Variants in TAX1BP1 observed in about 807,000 individuals in gnomAD.
TAX1BP1 encodes the protein tax1-binding protein 1.
Under a neutral mutation model 97.7 loss-of-function variants are expected in TAX1BP1, and 62 were observed. The observed-to-expected ratio is 0.63, with a 90% CI of 0.52 to 0.78. The LOEUF is 0.78. Ranked by LOEUF, TAX1BP1 falls within the 30% of genes least tolerant of loss-of-function variation. TAX1BP1 has a pLI of 0.00. For missense variants in TAX1BP1, 867 were observed against 916.1 expected, an observed-to-expected ratio of 0.95 and a Z score of 0.69; for synonymous variants, 340 against 304.2, an observed-to-expected ratio of 1.12 and a Z score of -1.23.
chr7:27,768,512 G>A (rs1412897070), intron 4 of TAX1BP1, among the ~76,000 whole-genome samples: 1 of 151,838 alleles, frequency 6.6e-6, no homozygotes, highest in Non-Finnish European at 1.5e-5. Context: ...TAAAGTCTAT[G>A]TTGTGCTATG....
At chr7:27,756,958 C>T (rs578121884) in intron 2 of TAX1BP1, among the ~76,000 whole-genome samples, 14 of 152,242 alleles carry the variant, frequency 9.2e-5, no homozygotes, top group African/African-American at 3.1e-4. Flanking sequence ...TAATATACTC[C>T]AGTACTTTCT....
At chr7:27,814,871 G>A (rs767387523) in intron 13 of TAX1BP1, among the ~76,000 whole-genome samples, 45 of 152,070 alleles carry the variant, frequency 3.0e-4, no homozygotes, top group Non-Finnish European at 5.7e-4. Context: ...TGAGTAGCTG[G>A]GACTACAGGT....
Position 27,769,677 on chromosome 7 carries a change from T to A in TAX1BP1, c.455T>A (p.Leu152Ter). 6.2e-7 allele frequency: 1 copy of A among 1,601,208 alleles called. No individual in the cohort carries two copies. The highest frequency in any genetic ancestry group is 8.5e-7 in the Non-Finnish European group (1 of 1,175,654). ...VVTTKAGLLE[L>*]KIEKTMKEKE... ...TAATCTGAGTTTTTTGCTTTATAGTTGAAAATTGAGAAAACCATGAAAGAA... is the reference window on the plus strand; with the variant it reads ...TAATCTGAGTTTTTTGCTTTATAGTAGAAAATTGAGAAAACCATGAAAGAA... The change falls in exon 5 of 17, where the codon TTG becomes TAG. Residue 152 changes from leucine to a stop codon, truncating the protein, a stop_gained and splice_region_variant. Coordinates refer to ENST00000396319, the MANE Select transcript of TAX1BP1 (RefSeq NM_006024.7). LOFTEE classifies it high-confidence loss of function.
chr7:27,828,827 T>C lies in TAX1BP1; in HGVS notation c.2368T>C (p.Ter790GlnextTer7). The change falls in exon 17 of 17, where the codon TAG (stop) becomes CAG (glutamine). Residue 790 changes from the stop codon to glutamine, a stop_lost. Coordinates refer to ENST00000396319, the MANE Select transcript of TAX1BP1 (RefSeq NM_006024.7). ...TGATCAGAATGTTCTAAATTTTGACTAGTTACTTTTTATTATGAGTTAATA... is the reference window on the plus strand; with the variant it reads ...TGATCAGAATGTTCTAAATTTTGACCAGTTACTTTTTATTATGAGTTAATA... ...HFDQNVLNFD* is the reference protein window; with the variant it reads ...HFDQNVLNFDQ 6.2e-7 allele frequency: 1 copy of C among 1,604,152 alleles called. No individual in the cohort carries two copies. The highest frequency in any genetic ancestry group is 1.1e-5 in the South Asian group (1 of 89,848).
intron 2 of TAX1BP1, among the ~76,000 whole-genome samples, chr7:27,751,676 A>G (rs1736538746): frequency 6.6e-6 from 1 of 152,146 alleles, no homozygotes; most frequent in Non-Finnish European, 1.5e-5. Context: ...AGTGATTTTG[A>G]TAGACACCAT....
At position 27,761,553 on chromosome 7, in the gene TAX1BP1, G is replaced by A. The variant is rs141998268; in HGVS notation, c.265+3420G>A. 3.2e-3 allele frequency among the ~76,000 whole-genome samples: 494 copies of A among 152,254 alleles called. 3 individuals carry two copies. The highest frequency in any genetic ancestry group is 0.011 in the African/African-American group (458 of 41,542). On this transcript the variant is annotated intron_variant, in intron 3 of 16. Transcript: ENST00000396319. ...GTTTTACTGTCCCCACAGTTTTGCC[G>A]TAAAATGTCATAGAGTTGGAATCAT...
chr7:27,818,187 T>C (rs1484966979), intron 15 of TAX1BP1, among the ~76,000 whole-genome samples: 1 of 152,210 alleles, frequency 6.6e-6, no homozygotes, highest in Non-Finnish European at 1.5e-5. Context: ...AGCAGAATGT[T>C]CTTTCTGATC....
chr7:27,808,460 G>T (rs1050501180), intron 13 of TAX1BP1, among the ~76,000 whole-genome samples: 11 of 152,152 alleles, frequency 7.2e-5, no homozygotes, highest in Non-Finnish European at 1.2e-4. Context: ...CATCTAACTA[G>T]AGTTCAACAT....
chr7:27,793,299 CT>C (rs1391746658), intron 10 of TAX1BP1, 87 bp downstream of exon 10: 2 of 1,149,714 alleles, frequency 1.7e-6, no homozygotes, highest in Non-Finnish European at 2.4e-6. Context: ...AAATATCAAC[CT>C]TTTAAATATT....
chr7:27,761,595 T>C (rs1679219716), intron 3 of TAX1BP1, among the ~76,000 whole-genome samples: 1 of 152,230 alleles, frequency 6.6e-6, no homozygotes, highest in African/African-American at 2.4e-5. Flanking sequence ...ATGTAGTCTT[T>C]TCAGATTGGC....
At chr7:27,806,919 T>C (rs1790362022) in intron 13 of TAX1BP1, among the ~76,000 whole-genome samples, 2 of 152,168 alleles carry the variant, frequency 1.3e-5, no homozygotes, top group African/African-American at 2.4e-5. Context: ...AAATCTGTTT[T>C]GTGTCTTTCA....
At chr7:27,741,236 AGTT>A (rs1787585190) in intron 1 of TAX1BP1, among the ~76,000 whole-genome samples, 1 of 152,224 alleles carries the variant, frequency 6.6e-6, no homozygotes, top group Non-Finnish European at 1.5e-5. Context: ...AACAATTAAT[AGTT>A]ACAAGTTTGG....
chr7:27,791,386 A>T (rs1188403570), intron 8 of TAX1BP1, among the ~76,000 whole-genome samples: 3 of 152,156 alleles, frequency 2.0e-5, no homozygotes, highest in Non-Finnish European at 4.4e-5. Context: ...TAATTTCACC[A>T]TGGCAATTTT....
At chr7:27,758,369 T>G (rs1788304657) in intron 3 of TAX1BP1, 2 of 313,746 alleles carry the variant, frequency 6.4e-6, no homozygotes, top group Admixed American at 4.7e-5. Context: ...GAAGAGTGGG[T>G]TTCTTTTTAG....
At chr7:27,758,305 A>G (rs577517485) in intron 3 of TAX1BP1, 172 bp downstream of exon 3, 8 of 411,634 alleles carry the variant, frequency 1.9e-5, no homozygotes, top group South Asian at 7.8e-5. Flanking sequence ...TGTAGGCCAC[A>G]TGATATTTTA....
chr7:27,792,468 A>G lies in TAX1BP1; in HGVS notation c.1263+238A>G, dbSNP rs180835333. Among the ~76,000 whole-genome samples the G allele has an allele frequency of 5.9e-5, 9 of 152,336 alleles. No individual in the cohort carries two copies. The East Asian group carries it at 1.3e-3, about 23-fold the overall frequency. ...GTGAAAGCTGCCCTATTGATTAAAT[A>G]TATTGATGTCAGATATGTATTGTTT... On this transcript the variant is annotated intron_variant, in intron 9 of 16. Coordinates refer to ENST00000396319, the MANE Select transcript of TAX1BP1 (RefSeq NM_006024.7).
intron 2 of TAX1BP1, 81 bp from the exon 3 acceptor site, chr7:27,757,950 C>A: frequency 2.7e-6 from 2 of 738,974 alleles, no homozygotes; most frequent in Non-Finnish European, 4.5e-6. Flanking sequence ...CTGTAAAATA[C>A]AATAAATAAA....
chr7:27,801,315 A>G (rs1790131006), intron 13 of TAX1BP1, among the ~76,000 whole-genome samples: 1 of 151,236 alleles, frequency 6.6e-6, no homozygotes, highest in Non-Finnish European at 1.5e-5. Context: ...TCTATGATCT[A>G]ATTTTAAAGT....
intron 8 of TAX1BP1, among the ~76,000 whole-genome samples, chr7:27,790,920 T>C (rs1414532716): frequency 6.6e-6 from 1 of 152,158 alleles, no homozygotes; most frequent in Non-Finnish European, 1.5e-5. Flanking sequence ...TTTGTTTGAT[T>C]GTTGGTGAGT....
Sources: allele counts gnomAD v4.1 joint callset (sites outside exome capture counted in the v4.1 genomes callset), GRCh38; gene constraint gnomAD v4.1.1; transcripts MANE v1.5; gene names NCBI Gene and HGNC (gene_info 2026-07-23, HGNC 2026-07-21).